USP8: variants seen among roughly 807,000 people sequenced by gnomAD.
The protein encoded by USP8 is ubiquitin carboxyl-terminal hydrolase 8.
A neutral mutation model predicts 130.0 loss-of-function variants in USP8; 27 were observed. That is an observed-to-expected ratio of 0.21 (90% CI 0.15 to 0.29). The LOEUF (loss-of-function observed/expected upper bound fraction) is 0.29. Among genes scored for constraint, USP8 ranks in the 10% least tolerant of loss-of-function variants. The pLI is 1.00. For synonymous variants in USP8, 392 were observed against 444.1 expected (o/e 0.88, Z 1.48); for missense variants, 1,029 against 1,312.2 (o/e 0.78, Z 3.33).
At chr15:50,445,822 A>C (rs962847122) in intron 3 of USP8, among the ~76,000 whole-genome samples, 15 of 150,532 alleles carry the variant, frequency 1.0e-4, no homozygotes, top group African/African-American at 3.4e-4. Context: ...GCACCACTGC[A>C]CTCCAGCCTG....
chr15:50,497,041 T>C (rs1468912533), intron 17 of USP8, 48 bp from the exon 18 acceptor site: 3 of 1,561,072 alleles, frequency 1.9e-6, no homozygotes, highest in Non-Finnish European at 2.6e-6. Context: ...TCTGACATTA[T>C]TGAAGAATCG....
rs2052653936 is a variant in USP8, at chr15:50,506,058, A to T, written c.*6970A>T. 1 of 152,248 alleles carries T rather than the reference A, an allele frequency of 6.6e-6. No homozygotes were observed. The highest frequency in any genetic ancestry group is 2.4e-5 in the African/African-American group (1 of 41,460). The allele number at this position is 152,248 out of a possible 1,614,324, so 9.4% of individuals were successfully genotyped here. On this transcript the variant is annotated 3_prime_UTR_variant, in exon 20 of 20. Transcript: ENST00000307179. ...GGAGCAGAGTATAAAGATCTTGATTAACTTTAGGCTTTAAGTATGAAAGCT... is the reference window on the plus strand; with the variant it reads ...GGAGCAGAGTATAAAGATCTTGATTTACTTTAGGCTTTAAGTATGAAAGCT...
intron 7 of USP8, among the ~76,000 whole-genome samples, chr15:50,465,733 A>T (rs3131567): frequency 0.46 from 69,345 of 152,016 alleles, 15,955 homozygotes; most frequent in Admixed American, 0.55. Context: ...CCCTATATTT[A>T]CTGTGATACA....
chr15:50,462,121 C>A lies in USP8; in HGVS notation c.499-159C>A, dbSNP rs112949073. ...AGCTGTTGTCTACTGCCAAAGAAACCTTTTAATATCATTATTATTCGTCTG... is the reference window on the plus strand; with the variant it reads ...AGCTGTTGTCTACTGCCAAAGAAACATTTTAATATCATTATTATTCGTCTG... On this transcript the variant is annotated intron_variant, in intron 5 of 19. Transcript: ENST00000307179. Among the ~76,000 whole-genome samples the A allele has an allele frequency of 3.5e-3, 540 of 152,216 alleles. 5 individuals are homozygous for A. Among genetic ancestry groups the A allele is most frequent in the African/African-American group, 0.013 (523 of 41,528 alleles).
Position 50,436,242 on chromosome 15 carries a change from T to A in USP8, c.-65-2767T>A, listed in dbSNP as rs192149101. 2.3e-4 allele frequency among the ~76,000 whole-genome samples: 35 copies of A among 152,148 alleles called. No individual in the cohort carries two copies. In the East Asian group the frequency reaches 6.6e-3, roughly 29 times the overall value. On this transcript the variant is annotated intron_variant, in intron 1 of 19. Coordinates refer to ENST00000307179, the MANE Select transcript of USP8 (RefSeq NM_005154.5). ...ATCTTTGTTCATTCTATGTAGTGGCTAATTCCTAAAGATGTTCTTTACTTT... is the reference window on the plus strand; with the variant it reads ...ATCTTTGTTCATTCTATGTAGTGGCAAATTCCTAAAGATGTTCTTTACTTT...
At chr15:50,431,466 T>C (rs2049930677) in intron 1 of USP8, among the ~76,000 whole-genome samples, 1 of 152,166 alleles carries the variant, frequency 6.6e-6, no homozygotes, top group South Asian at 2.1e-4. Flanking sequence ...TCCTACATAA[T>C]ATAATTTAGT....
rs1445907769 is a variant in USP8 at position 50,499,597 on chromosome 15, C to CTATT, written c.*511_*514dup. On this transcript the variant is annotated 3_prime_UTR_variant, in exon 20 of 20. Transcript: ENST00000307179. The stretch of plus-strand genomic sequence containing the variant: ...AGAGGATTGCTTTTTTTCTTTCAGC[C>CTATT]TATTTTGAGTTAACTTCAGTGCTTT... 2 of 115,918 alleles carry CTATT rather than the reference C, an allele frequency of 1.7e-5. No individual in the cohort carries two copies. Among genetic ancestry groups the CTATT allele is most frequent in the African/African-American group, 7.0e-5 (2 of 28,572 alleles). 7.2% of individuals were successfully genotyped at this position (115,918 alleles called of 1,614,324 possible).
intron 10 of USP8, among the ~76,000 whole-genome samples, 156 bp from the exon 11 acceptor site, chr15:50,481,325 T>C (rs1158484476): frequency 1.3e-5 from 2 of 152,242 alleles, no homozygotes; most frequent in African/African-American, 4.8e-5. Context: ...AGTTCTGTTT[T>C]ATGAGAAATC....
chr15:50,461,680 C>T (rs2051011330), intron 5 of USP8, among the ~76,000 whole-genome samples: 1 of 151,936 alleles, frequency 6.6e-6, no homozygotes, highest in Non-Finnish European at 1.5e-5. Flanking sequence ...TAGCAAAACC[C>T]CATCTCTACT....
intron 1 of USP8, among the ~76,000 whole-genome samples, chr15:50,435,758 G>T (rs1381171349): frequency 1.3e-5 from 2 of 152,174 alleles, no homozygotes; most frequent in African/African-American, 4.8e-5. Context: ...CATTATCAGA[G>T]AAGATTGTTA....
At chr15:50,477,570 T>G in intron 10 of USP8, 71 bp downstream of exon 10, 1 of 1,394,392 alleles carries the variant, frequency 7.2e-7, no homozygotes. Context: ...CTGGGCACAG[T>G]GCCTCACGCC....
At chr15:50,453,923 C>T (rs1237089068) in intron 4 of USP8, among the ~76,000 whole-genome samples, 1 of 125,324 alleles carries the variant, frequency 8.0e-6, no homozygotes, top group Non-Finnish European at 1.6e-5. Flanking sequence ...AGTGCAGTGG[C>T]ATGATCTTGG....
At chr15:50,458,522 C>T (rs1479208876) in intron 4 of USP8, 1 of 163,792 alleles carries the variant, frequency 6.1e-6, no homozygotes, top group African/African-American at 2.4e-5. Flanking sequence ...AGCTGTTTAA[C>T]TGCCAACAAG....
intron 10 of USP8, among the ~76,000 whole-genome samples, chr15:50,478,256 CAATAATCATGTAAAAGTTTTTA>C (rs1217235161): frequency 2.6e-5 from 4 of 152,050 alleles, no homozygotes; most frequent in Admixed American, 6.6e-5. Flanking sequence ...GCATGTTTAA[CAATAATCATGTAAAAGTTTTTA>C]AATAACCAAG....
Position 50,501,857 on chromosome 15 carries a change from A to G in USP8, c.*2769A>G, listed in dbSNP as rs2052594343. On this transcript the variant is annotated 3_prime_UTR_variant, in exon 20 of 20. Coordinates refer to ENST00000307179, the MANE Select transcript of USP8 (RefSeq NM_005154.5). ...TTTATATGGTTGGGGAAAAGATCCA[A>G]GTAATAATAGTATTGTTATATGTGA... The G allele has an allele frequency of 6.6e-6, 1 of 152,200 alleles. No individual in the cohort carries two copies. Among genetic ancestry groups the G allele is most frequent in the Non-Finnish European group, 1.5e-5 (1 of 68,044 alleles). The allele number at this position is 152,200 out of a possible 1,614,324, so 9.4% of individuals were successfully genotyped here. A position where few individuals can be genotyped will look rare whatever the true frequency, so the allele number is the denominator to read the frequency against.
Position 50,495,862 on chromosome 15 carries a change from G to T in USP8, c.2673G>T (p.Lys891Asn). Residue 891 changes from lysine (K) to asparagine (N), a missense_variant, in exon 17 of 20, where the codon AAG becomes AAT. Lys to Asn is a moderately conservative substitution (Grantham distance 94). This residue lies in a region of USP8 where 257 missense variants were observed against 429.8 expected (regional missense o/e 0.60). Coordinates refer to ENST00000307179, the MANE Select transcript of USP8 (RefSeq NM_005154.5). ...TTTATTTCCAGGCTGATAATCGGAA[G>T]AGATATAAAGAAGAAAATAATGATC... ...HEDLNKADNR[K>N]RYKEENNDHL... is the part of the protein sequence containing the mutation. The T allele has an allele frequency of 6.2e-7, 1 of 1,612,364 alleles. No homozygotes were observed. Among genetic ancestry groups the T allele is most frequent in the Non-Finnish European group, 8.5e-7 (1 of 1,179,128 alleles).
intron 16 of USP8, among the ~76,000 whole-genome samples, chr15:50,495,200 A>G (rs1397335765): frequency 1.3e-5 from 2 of 149,114 alleles, no homozygotes; most frequent in African/African-American, 4.9e-5. Flanking sequence ...ATATATATAT[A>G]TATACACACA....
At chr15:50,445,001 G>A (rs1379322110) in intron 3 of USP8, among the ~76,000 whole-genome samples, 1 of 151,710 alleles carries the variant, frequency 6.6e-6, no homozygotes, top group Non-Finnish European at 1.5e-5. Context: ...CAGGTGGTCT[G>A]CCTGCCTCGG....
chr15:50,512,609 G>T lies in USP8; in HGVS notation c.*13521G>T, dbSNP rs1054883212. 6.6e-6 allele frequency: 1 copy of T among 152,070 alleles called. No homozygotes were observed. The highest frequency in any genetic ancestry group is 1.5e-5 in the Non-Finnish European group (1 of 68,040). The allele number at this position is 152,070 out of a possible 1,614,324, so 9.4% of individuals were successfully genotyped here. A position where few individuals can be genotyped will look rare whatever the true frequency, so the allele number is the denominator to read the frequency against. Reference sequence around the variant, plus strand: ...GTTCCAGACCAGTCTGGCCAACATGGTGAAACCACATCTCTACTAAAAATA... The same window carrying T: ...GTTCCAGACCAGTCTGGCCAACATGTTGAAACCACATCTCTACTAAAAATA... On this transcript the variant is annotated 3_prime_UTR_variant, in exon 20 of 20. Transcript: ENST00000307179.
Sources: gnomAD v4.1 joint callset for allele counts (sites outside exome capture counted in the v4.1 genomes callset) on GRCh38, gnomAD v4.1.1 for gene constraint, gnomAD v4.1.1 regional missense constraint, MANE v1.5 for transcripts, NCBI Gene and HGNC (gene_info 2026-07-23, HGNC 2026-07-21) for gene names.